GRM8: variants seen among roughly 807,000 people sequenced by gnomAD.
GRM8 encodes metabotropic glutamate receptor 8.
Under a neutral mutation model 87.2 loss-of-function variants are expected in GRM8, and 47 were observed. That is an observed-to-expected ratio of 0.54 (90% CI 0.43 to 0.69). The LOEUF (loss-of-function observed/expected upper bound fraction) is 0.69. GRM8 is among the 30% of genes least tolerant of loss of function. GRM8 has a pLI of 0.00. For synonymous variants in GRM8, 396 were observed against 404.5 expected (o/e 0.98, Z 0.25); for missense variants, 1,019 against 1,139.2 (o/e 0.89, Z 1.52).
chr7:127,189,405 T>C (rs1051511569), intron 2 of GRM8, among the ~76,000 whole-genome samples: 8 of 152,182 alleles, frequency 5.3e-5, no homozygotes, highest in African/African-American at 1.4e-4. Flanking sequence ...AATTCTCTCA[T>C]TGCCCTGTAC....
At chr7:127,190,575 G>T (rs1038341610) in intron 2 of GRM8, among the ~76,000 whole-genome samples, 1 of 151,960 alleles carries the variant, frequency 6.6e-6, no homozygotes, top group Non-Finnish European at 1.5e-5. Context: ...GCCCTCAGTG[G>T]AAATGAACTG....
intron 6 of GRM8, among the ~76,000 whole-genome samples, chr7:126,885,898 C>T (rs1800449039): frequency 6.6e-6 from 1 of 152,154 alleles, no homozygotes; most frequent in Non-Finnish European, 1.5e-5. Context: ...GTTTTTTTCC[C>T]CTTGGAAACA....
intron 8 of GRM8, among the ~76,000 whole-genome samples, chr7:126,550,693 A>G (rs543788292): frequency 2.0e-5 from 3 of 152,196 alleles, no homozygotes; most frequent in African/African-American, 7.2e-5. Flanking sequence ...AAAAATTTGT[A>G]TTATTCAATG....
intron 3 of GRM8, among the ~76,000 whole-genome samples, chr7:127,010,428 T>A (rs577652821): frequency 2.0e-4 from 30 of 152,082 alleles, no homozygotes; most frequent in Non-Finnish European, 4.0e-4. Flanking sequence ...TAAGCAAGTA[T>A]GTCAAAAAAT....
intron 9 of GRM8, among the ~76,000 whole-genome samples, chr7:126,461,467 C>G (rs1429589443): frequency 1.3e-5 from 2 of 151,614 alleles, no homozygotes; most frequent in African/African-American, 4.8e-5. Context: ...CCCAGACTTT[C>G]AAGTCATGGT....
intron 2 of GRM8, among the ~76,000 whole-genome samples, chr7:127,132,983 C>T (rs2133231518): frequency 6.6e-6 from 1 of 152,342 alleles, no homozygotes; most frequent in Admixed American, 6.5e-5. Flanking sequence ...AAGCAGATAA[C>T]AAGCTGGGCA....
chr7:126,841,840 G>A (rs991667200), intron 6 of GRM8, among the ~76,000 whole-genome samples: 1 of 151,840 alleles, frequency 6.6e-6, no homozygotes, highest in African/African-American at 2.4e-5. Flanking sequence ...CACCGTGATA[G>A]CCAGGATGGT....
intron 7 of GRM8, among the ~76,000 whole-genome samples, chr7:126,713,492 G>A (rs549038900): frequency 6.6e-6 from 1 of 152,000 alleles, no homozygotes; most frequent in East Asian, 1.9e-4. Context: ...AACACCTAAT[G>A]CATGCAGGGT....
intron 2 of GRM8, among the ~76,000 whole-genome samples, chr7:127,157,481 A>C (rs1792808803): frequency 6.6e-6 from 1 of 152,188 alleles, no homozygotes; most frequent in Admixed American, 6.5e-5. Flanking sequence ...ATTATAAATA[A>C]AACCATTTAT....
chr7:126,521,331 G>C (rs1812950419), intron 9 of GRM8, among the ~76,000 whole-genome samples: 1 of 151,986 alleles, frequency 6.6e-6, no homozygotes, highest in African/African-American at 2.4e-5. Context: ...AAATAACATA[G>C]AGAGTCTAAA....
chr7:127,195,565 T>C (rs183426783), intron 2 of GRM8, among the ~76,000 whole-genome samples: 10 of 152,336 alleles, frequency 6.6e-5, no homozygotes, highest in African/African-American at 9.6e-5. Flanking sequence ...AAGTACTCAA[T>C]GTGGCCAGTT....
At chr7:126,662,306 A>G (rs1805265373) in intron 7 of GRM8, among the ~76,000 whole-genome samples, 1 of 152,322 alleles carries the variant, frequency 6.6e-6, no homozygotes, top group Middle Eastern at 3.4e-3. Context: ...GAAAGAAACC[A>G]TAGGAAAAAA....
chr7:126,470,732 C>T (rs201232191), intron 9 of GRM8, among the ~76,000 whole-genome samples: 105 of 152,218 alleles, frequency 6.9e-4, no homozygotes, highest in East Asian at 2.3e-3. Flanking sequence ...GGTCAAATGG[C>T]ATTTCTAGTT....
At chr7:127,002,682 A>G (rs1813852553) in intron 3 of GRM8, among the ~76,000 whole-genome samples, 1 of 151,694 alleles carries the variant, frequency 6.6e-6, no homozygotes, top group Non-Finnish European at 1.5e-5. Flanking sequence ...ACTAATACTC[A>G]GTCTTCCACC....
At chr7:126,582,421 A>G (rs1795697758) in intron 8 of GRM8, among the ~76,000 whole-genome samples, 1 of 152,208 alleles carries the variant, frequency 6.6e-6, no homozygotes, top group African/African-American at 2.4e-5. Context: ...TAAGGAACAA[A>G]GCAACCTCTA....
chr7:127,102,128 C>T (rs1467172360), intron 3 of GRM8, among the ~76,000 whole-genome samples: 1 of 152,192 alleles, frequency 6.6e-6, no homozygotes, highest in African/African-American at 2.4e-5. Flanking sequence ...AATTTCTATG[C>T]AGCAAAGCAT....
At chr7:126,989,331 G>A (rs186130214) in intron 3 of GRM8, among the ~76,000 whole-genome samples, 8 of 151,866 alleles carry the variant, frequency 5.3e-5, no homozygotes, top group Admixed American at 5.2e-4. Context: ...AAATTATTCT[G>A]ATTATTAAGT....
intron 9 of GRM8, among the ~76,000 whole-genome samples, chr7:126,491,183 T>C (rs1440691984): frequency 6.6e-6 from 1 of 152,062 alleles, no homozygotes; most frequent in Non-Finnish European, 1.5e-5. Flanking sequence ...ATAAGCACTG[T>C]TCTACAACCG....
intron 6 of GRM8, among the ~76,000 whole-genome samples, chr7:126,863,677 T>C (rs1435960529): frequency 6.6e-6 from 1 of 152,196 alleles, no homozygotes; most frequent in Admixed American, 6.6e-5. Flanking sequence ...CATATCAGCT[T>C]CAGTGAGTTA....
Sources: allele counts gnomAD v4.1 joint callset (sites outside exome capture counted in the v4.1 genomes callset), GRCh38; gene constraint gnomAD v4.1.1; transcripts MANE v1.5; gene names NCBI Gene and HGNC (gene_info 2026-07-23, HGNC 2026-07-21).